The following KPNA5 variants were observed in gnomAD, a reference collection of about 807,000 sequenced individuals.
The protein encoded by KPNA5 is importin subunit alpha-6.
A neutral mutation model predicts 71.3 loss-of-function variants in KPNA5; 46 were observed. The observed-to-expected ratio is 0.65, with a 90% CI of 0.51 to 0.83. The LOEUF (loss-of-function observed/expected upper bound fraction) is 0.83, where lower values mean the gene tolerates loss of function less well. Ranked by LOEUF, KPNA5 falls within the 40% of genes least tolerant of loss-of-function variation. The pLI is 0.00. For synonymous variants in KPNA5, 207 were observed against 201.4 expected, an observed-to-expected ratio of 1.03 and a Z score of -0.24; for missense variants, 547 against 628.3, an observed-to-expected ratio of 0.87 and a Z score of 1.38.
intron 7 of KPNA5, among the ~76,000 whole-genome samples, chr6:116,713,811 T>C (rs1459042646): frequency 6.6e-6 from 1 of 152,196 alleles, no homozygotes; most frequent in Non-Finnish European, 1.5e-5. Context: ...CTCAATCTGC[T>C]GTCAAACCCC....
Position 116,732,457 on chromosome 6 carries a change from G to GA in KPNA5, c.*137dup. 1 of 411,006 alleles carries GA rather than the reference G, an allele frequency of 2.4e-6. No individual in the cohort carries two copies. 25.5% of individuals were successfully genotyped at this position (411,006 alleles called of 1,614,324 possible). On this transcript the variant is annotated 3_prime_UTR_variant, in exon 14 of 14. Coordinates refer to ENST00000368564, the MANE Select transcript of KPNA5 (RefSeq NM_001366306.2). ...TTGATGCACTTTTAGAAAGCAAAAT[G>GA]AAACAAAAATTTCCATTCAGATGCA...
At chr6:116,721,052 TAATC>T (rs1313863584) in intron 8 of KPNA5, among the ~76,000 whole-genome samples, 1 of 152,150 alleles carries the variant, frequency 6.6e-6, no homozygotes, top group East Asian at 1.9e-4. Context: ...TATATTCTGA[TAATC>T]TTGAAAATCA....
chr6:116,685,138 C>G (rs1777525612), intron 1 of KPNA5, among the ~76,000 whole-genome samples: 1 of 152,178 alleles, frequency 6.6e-6, no homozygotes, highest in Non-Finnish European at 1.5e-5. Flanking sequence ...CCCAGATGTT[C>G]TTTAACTGGA....
At chr6:116,692,550 CATG>C (rs1424439163) in intron 4 of KPNA5, among the ~76,000 whole-genome samples, 158 bp downstream of exon 4, 1 of 151,874 alleles carries the variant, frequency 6.6e-6, no homozygotes, top group African/African-American at 2.4e-5. Flanking sequence ...CGTTTTTGAA[CATG>C]ATGTTACCAA....
At chr6:116,692,508 A>G (rs1777842864) in intron 4 of KPNA5, 116 bp downstream of exon 4, 1 of 657,064 alleles carries the variant, frequency 1.5e-6, no homozygotes. Flanking sequence ...CAGGTGTTAT[A>G]TTCTCTGCAA....
chr6:116,708,479 CATT>C (rs1199161154), intron 7 of KPNA5, among the ~76,000 whole-genome samples: 1 of 152,058 alleles, frequency 6.6e-6, no homozygotes, highest in Admixed American at 6.6e-5. Context: ...ATAAAAAAGT[CATT>C]GTCATTTTGA....
chr6:116,684,209 G>A (rs574927687), intron 1 of KPNA5, among the ~76,000 whole-genome samples: 20 of 152,118 alleles, frequency 1.3e-4, no homozygotes, highest in Admixed American at 9.8e-4. Context: ...TACCCCGCCC[G>A]GCCATATTGA....
chr6:116,729,191 G>C (rs1224503620), intron 12 of KPNA5, among the ~76,000 whole-genome samples: 3 of 145,458 alleles, frequency 2.1e-5, no homozygotes, highest in Admixed American at 7.0e-5. Context: ...GTGTGTGTGT[G>C]TGTGTGTGTC....
At chr6:116,720,912 G>C (rs1779081266) in intron 8 of KPNA5, among the ~76,000 whole-genome samples, 1 of 152,238 alleles carries the variant, frequency 6.6e-6, no homozygotes, top group African/African-American at 2.4e-5. Flanking sequence ...GATTGCTGGA[G>C]AAGGATCCAG....
At chr6:116,689,289 A>G (rs1777701934) in intron 1 of KPNA5, 31 bp from the exon 2 acceptor site, 1 of 1,592,650 alleles carries the variant, frequency 6.3e-7, no homozygotes, top group African/African-American at 1.4e-5. Flanking sequence ...GTGAGTTATC[A>G]GTGTCTGTTT....
intron 13 of KPNA5, among the ~76,000 whole-genome samples, chr6:116,730,912 T>A (rs778458280): frequency 6.6e-5 from 10 of 152,044 alleles, no homozygotes; most frequent in Non-Finnish European, 1.0e-4. Flanking sequence ...TATTTTGATA[T>A]GACTTTTTCC....
At chr6:116,714,100 T>G (rs572124713) in intron 7 of KPNA5, among the ~76,000 whole-genome samples, 142 of 152,336 alleles carry the variant, frequency 9.3e-4, no homozygotes, top group Middle Eastern at 3.4e-3. Context: ...ACTTTTAAAA[T>G]TTCTTTGCAT....
rs1779530746 is a variant in KPNA5 at position 116,732,279 on chromosome 6, A to C, written c.1576A>C (p.Ile526Leu). Residue 526 changes from isoleucine (I) to leucine (L), a missense_variant, in exon 14 of 14, where the codon ATA becomes CTA. Transcript: ENST00000368564. ...PQVDENQQQF[I>L]FQQQEAPMDG... is the part of the protein sequence containing the mutation. ...GGTGGATGAAAACCAACAACAGTTT[A>C]TATTTCAGCAGCAGGAAGCACCAAT... 6.5e-7 allele frequency: 1 copy of C among 1,538,508 alleles called. No homozygotes were observed. The highest frequency in any genetic ancestry group is 8.8e-7 in the Non-Finnish European group (1 of 1,140,198).
At chr6:116,716,500 T>C (rs1478127226) in intron 8 of KPNA5, among the ~76,000 whole-genome samples, 182 bp downstream of exon 8, 1 of 152,242 alleles carries the variant, frequency 6.6e-6, no homozygotes, top group African/African-American at 2.4e-5. Flanking sequence ...CCTTGTACTT[T>C]TCCTCACACA....
At chr6:116,682,771 A>G (rs1056453835) in intron 1 of KPNA5, among the ~76,000 whole-genome samples, 20 of 152,260 alleles carry the variant, frequency 1.3e-4, no homozygotes, top group African/African-American at 2.2e-4. Context: ...TGCTGGAATA[A>G]CATTTCTAAA....
intron 13 of KPNA5, among the ~76,000 whole-genome samples, chr6:116,730,639 T>C (rs1194351983): frequency 6.6e-6 from 1 of 152,198 alleles, no homozygotes; most frequent in African/African-American, 2.4e-5. Flanking sequence ...CAAAGGCCTG[T>C]TGCTGACAGT....
chr6:116,739,173 T>C lies in KPNA5; in HGVS notation c.*6850T>C, dbSNP rs918747988. 3 of 152,202 alleles carry C rather than the reference T, an allele frequency of 2.0e-5. No homozygotes were observed. Among genetic ancestry groups the C allele is most frequent in the Non-Finnish European group, 4.4e-5 (3 of 68,058 alleles). The allele number at this position is 152,202 out of a possible 1,614,324, so 9.4% of individuals were successfully genotyped here. ...GCAAAGTCTCAGGATACAAAATCAA[T>C]GTACAAAAATCACAAGAATTCTTAT... On this transcript the variant is annotated 3_prime_UTR_variant, in exon 14 of 14. Coordinates refer to ENST00000368564, the MANE Select transcript of KPNA5 (RefSeq NM_001366306.2).
intron 10 of KPNA5, 25 bp downstream of exon 10, chr6:116,724,400 A>G (rs1300613186): frequency 1.3e-6 from 2 of 1,525,906 alleles, no homozygotes; most frequent in Non-Finnish European, 1.8e-6. Flanking sequence ...GAGTATCATA[A>G]ATTGTTAACA....
intron 4 of KPNA5, among the ~76,000 whole-genome samples, chr6:116,692,982 G>A (rs1031755425): frequency 1.1e-4 from 16 of 152,170 alleles, no homozygotes; most frequent in Admixed American, 3.9e-4. Context: ...GAGAACATGC[G>A]GTGTTTGGTT....
Sources: gnomAD v4.1 joint callset for allele counts (sites outside exome capture counted in the v4.1 genomes callset) on GRCh38, gnomAD v4.1.1 for gene constraint, MANE v1.5 for transcripts, NCBI Gene and HGNC (gene_info 2026-07-23, HGNC 2026-07-21) for gene names.